Variants in CAMKMT observed in about 807,000 individuals in gnomAD.
CAMKMT encodes the protein CaM KMT.
A neutral mutation model predicts 48.0 loss-of-function variants in CAMKMT; 53 were observed. That is an observed-to-expected ratio of 1.10 (90% CI 0.89 to 1.39). The LOEUF (loss-of-function observed/expected upper bound fraction) is 1.39. Ranked by LOEUF, CAMKMT falls within the 40% of genes most tolerant of loss-of-function variation. CAMKMT has a pLI of 0.00. For synonymous variants in CAMKMT, 165 were observed against 152.3 expected (o/e 1.08, Z -0.61); for missense variants, 428 against 402.7 (o/e 1.06, Z -0.54).
At chr2:44,636,724 T>C (rs1168740339) in intron 3 of CAMKMT, among the ~76,000 whole-genome samples, 5 of 152,218 alleles carry the variant, frequency 3.3e-5, no homozygotes, top group Admixed American at 3.3e-4. Flanking sequence ...TGTATACATT[T>C]CCTATGCAGT....
chr2:44,704,190 T>C (rs1677416354), intron 3 of CAMKMT, 93 bp from the exon 4 acceptor site: 2 of 838,580 alleles, frequency 2.4e-6, no homozygotes, highest in Admixed American at 2.9e-5. Context: ...TTGATTGAAG[T>C]TGAAATAGCT....
chr2:44,737,128 GT>G (rs1257320354), intron 7 of CAMKMT, among the ~76,000 whole-genome samples: 1 of 152,070 alleles, frequency 6.6e-6, no homozygotes, highest in Non-Finnish European at 1.5e-5. Context: ...TTTTGCGTTT[GT>G]TTTAGAGACA....
At chr2:44,649,024 C>G (rs72867775) in intron 3 of CAMKMT, among the ~76,000 whole-genome samples, 2,254 of 152,292 alleles carry the variant, frequency 0.015, 45 homozygotes, top group African/African-American at 0.046. Context: ...TATAACACTT[C>G]TAGCGTGATG....
At chr2:44,665,622 C>T (rs1297031969) in intron 3 of CAMKMT, among the ~76,000 whole-genome samples, 2 of 152,170 alleles carry the variant, frequency 1.3e-5, no homozygotes, top group African/African-American at 4.8e-5. Flanking sequence ...CTCCTGTCTT[C>T]ATTGTATTAC....
chr2:44,368,246 G>T (rs1678817670), intron 1 of CAMKMT, among the ~76,000 whole-genome samples: 1 of 152,098 alleles, frequency 6.6e-6, no homozygotes, highest in South Asian at 2.1e-4. Flanking sequence ...TATATAACAT[G>T]GGTATTTGAA....
intron 2 of CAMKMT, among the ~76,000 whole-genome samples, chr2:44,388,653 TCTAGGG>T (rs781024677): frequency 8.5e-5 from 13 of 152,070 alleles, no homozygotes; most frequent in Admixed American, 4.6e-4. Context: ...AGAGGGAAGG[TCTAGGG>T]CTGAAGGCTG....
In CAMKMT at chr2:44,400,024, A is replaced by G. The variant is rs182588475; in HGVS notation, c.376+9719A>G. Reference sequence around the variant, plus strand: ...GTCATTTATAACTCTTTATCCCAGCATAGTACCTTTCACAAAGCCTGACCC... The same window carrying G: ...GTCATTTATAACTCTTTATCCCAGCGTAGTACCTTTCACAAAGCCTGACCC... On this transcript the variant is annotated intron_variant, in intron 3 of 10. Transcript: ENST00000378494. 2.0e-5 allele frequency among the ~76,000 whole-genome samples: 3 copies of G among 152,354 alleles called. No homozygotes were observed. The East Asian group carries it at 5.8e-4, about 29-fold the overall frequency.
Position 44,504,417 on chromosome 2 carries a change from A to G in CAMKMT, c.376+114112A>G, listed in dbSNP as rs182196206. Reference sequence around the variant, plus strand: ...TTCTTTATTCAAAATGAGCTTTTTGAGAGCTCATAATTGGCTTACCTTATG... The same window carrying G: ...TTCTTTATTCAAAATGAGCTTTTTGGGAGCTCATAATTGGCTTACCTTATG... On this transcript the variant is annotated intron_variant, in intron 3 of 10. Coordinates refer to ENST00000378494, the MANE Select transcript of CAMKMT (RefSeq NM_024766.5). Among the ~76,000 whole-genome samples, 4 of 152,284 alleles carry G rather than the reference A, an allele frequency of 2.6e-5. No individual in the cohort carries two copies. In the East Asian group the frequency reaches 7.7e-4, roughly 29 times the overall value.
At chr2:44,696,358 G>A (rs1676952353) in intron 3 of CAMKMT, among the ~76,000 whole-genome samples, 1 of 152,216 alleles carries the variant, frequency 6.6e-6, no homozygotes, top group Admixed American at 6.5e-5. Flanking sequence ...TTGGTATGGA[G>A]TGGAGGAGTC....
intron 3 of CAMKMT, among the ~76,000 whole-genome samples, chr2:44,691,196 T>C (rs760542098): frequency 6.6e-6 from 1 of 152,206 alleles, no homozygotes; most frequent in Non-Finnish European, 1.5e-5. Flanking sequence ...TCTAAGCCAC[T>C]GCGGTGATGG....
intron 3 of CAMKMT, among the ~76,000 whole-genome samples, chr2:44,688,669 A>T (rs558761359): frequency 6.6e-6 from 1 of 152,276 alleles, no homozygotes; most frequent in East Asian, 1.9e-4. Context: ...GAACTTGCTA[A>T]TGGCAATTCC....
intron 3 of CAMKMT, among the ~76,000 whole-genome samples, chr2:44,488,872 TG>T (rs1558652274): frequency 4.8e-5 from 7 of 145,136 alleles, no homozygotes; most frequent in African/African-American, 1.6e-4. Context: ...TGTGTGTGTG[TG>T]TGTGTTTTAA....
chr2:44,553,900 T>C (rs1667860725), intron 3 of CAMKMT, among the ~76,000 whole-genome samples: 1 of 152,218 alleles, frequency 6.6e-6, no homozygotes, highest in Non-Finnish European at 1.5e-5. Flanking sequence ...GTAGCTTTGC[T>C]TGGTTACTTT....
At chr2:44,387,265 A>G (rs1680864998) in intron 2 of CAMKMT, among the ~76,000 whole-genome samples, 1 of 152,164 alleles carries the variant, frequency 6.6e-6, no homozygotes, top group Admixed American at 6.5e-5. Context: ...ACCATTATGT[A>G]ATGTCCCTCT....
intron 7 of CAMKMT, among the ~76,000 whole-genome samples, chr2:44,740,988 G>A (rs1009329002): frequency 6.6e-6 from 1 of 152,142 alleles, no homozygotes; most frequent in South Asian, 2.1e-4. Context: ...GTTTGGAGGA[G>A]TGCCACTCAA....
chr2:44,540,623 T>C (rs1667047571), intron 3 of CAMKMT, among the ~76,000 whole-genome samples: 2 of 152,132 alleles, frequency 1.3e-5, no homozygotes, highest in African/African-American at 4.8e-5. Context: ...TGGTGGTACA[T>C]GCCTGTAGTC....
intron 3 of CAMKMT, among the ~76,000 whole-genome samples, chr2:44,552,117 G>T (rs532021756): frequency 3.2e-4 from 49 of 152,178 alleles, no homozygotes; most frequent in African/African-American, 1.2e-3. Flanking sequence ...TTACCCATTA[G>T]GTGATTTCTC....
At chr2:44,425,731 CTTT>C (rs748393973) in intron 3 of CAMKMT, among the ~76,000 whole-genome samples, 1 of 143,624 alleles carries the variant, frequency 7.0e-6, no homozygotes. Flanking sequence ...AGTATTCTAT[CTTT>C]TTTTTTTTTT....
At chr2:44,715,653 C>T (rs936727206) in intron 7 of CAMKMT, among the ~76,000 whole-genome samples, 20 of 152,156 alleles carry the variant, frequency 1.3e-4, no homozygotes, top group Non-Finnish European at 2.4e-4. Flanking sequence ...CCTGGGAACT[C>T]CTTAAATGGC....
Sources: allele counts gnomAD v4.1 joint callset (sites outside exome capture counted in the v4.1 genomes callset), GRCh38; gene constraint gnomAD v4.1.1; transcripts MANE v1.5; gene names NCBI Gene and HGNC (gene_info 2026-07-23, HGNC 2026-07-21).